PLCL1: variants seen among roughly 807,000 people sequenced by gnomAD.
The protein encoded by PLCL1 is phospholipase C like 1 (inactive), also known as inactive phospholipase C-like protein 1.
In PLCL1, 41 loss-of-function variants were observed where a neutral mutation model predicts 84.4. The observed-to-expected ratio is 0.49, with a 90% CI of 0.38 to 0.63. The LOEUF (loss-of-function observed/expected upper bound fraction) is 0.63. Ranked by LOEUF, PLCL1 falls within the 30% of genes least tolerant of loss-of-function variation. PLCL1 has a pLI of 0.00. For synonymous variants in PLCL1, 490 were observed against 488.3 expected (o/e 1.00, Z -0.05); for missense variants, 1,206 against 1,367.8 (o/e 0.88, Z 1.87).
At chr2:198,093,170 A>C (rs1395754728) in intron 3 of PLCL1, among the ~76,000 whole-genome samples, 4 of 152,154 alleles carry the variant, frequency 2.6e-5, no homozygotes, top group African/African-American at 9.7e-5. Context: ...AGCACAAAGG[A>C]TTTTTAAGGC....
rs544147690 is a variant in PLCL1, at chr2:197,808,162, T to C, written c.240+2823T>C. ...TTTAAAATCTGTCTACTTTTTCCTA[T>C]ATTTTTCTGTGTGATTGTTTCAACA... On this transcript the variant is annotated intron_variant, in intron 1 of 5. Coordinates refer to ENST00000428675, the MANE Select transcript of PLCL1 (RefSeq NM_006226.4). Among the ~76,000 whole-genome samples the C allele has an allele frequency of 1.2e-4, 19 of 152,354 alleles. No individual in the cohort carries two copies. In the East Asian group the frequency reaches 2.1e-3, roughly 17 times the overall value.
intron 5 of PLCL1, among the ~76,000 whole-genome samples, chr2:198,104,953 C>A (rs536725409): frequency 5.8e-4 from 88 of 152,024 alleles, no homozygotes; most frequent in Admixed American, 3.0e-3. Context: ...TTGCAAATAT[C>A]TTCTCCCATT....
At chr2:198,012,656 AT>A (rs375478254) in intron 1 of PLCL1, among the ~76,000 whole-genome samples, 31 of 146,872 alleles carry the variant, frequency 2.1e-4, no homozygotes, top group African/African-American at 3.0e-4. Flanking sequence ...TTCGTGTTTC[AT>A]TTTTTTTTGT....
In PLCL1 at chr2:197,805,053, T is replaced by C; in HGVS notation, c.-47T>C. 1 of 1,418,772 alleles carries C rather than the reference T, an allele frequency of 7.0e-7. No individual in the cohort carries two copies. Among genetic ancestry groups the C allele is most frequent in the East Asian group, 3.1e-5 (1 of 32,370 alleles). The allele number at this position is 1,418,772 out of a possible 1,614,324, so 87.9% of individuals were successfully genotyped here. A position where few individuals can be genotyped will look rare whatever the true frequency, so the allele number is the denominator to read the frequency against. ...CCGGTGCCTAGCGGCTGGACTCCGCTGCCGGGCGTCCCGCTTTCCCCCGGG... is the reference window on the plus strand; with the variant it reads ...CCGGTGCCTAGCGGCTGGACTCCGCCGCCGGGCGTCCCGCTTTCCCCCGGG... On this transcript the variant is annotated 5_prime_UTR_variant, in exon 1 of 6. Transcript: ENST00000428675. This position sits in a 1 kb window ranked among gnomAD's most constrained non-coding sequence, Gnocchi z 4.0.
chr2:197,931,414 G>A (rs1037918993), intron 1 of PLCL1, among the ~76,000 whole-genome samples: 2 of 152,144 alleles, frequency 1.3e-5, no homozygotes, highest in Non-Finnish European at 2.9e-5. Flanking sequence ...CTCAGCTGTT[G>A]CTGTAGGTGG....
intron 1 of PLCL1, among the ~76,000 whole-genome samples, chr2:197,859,070 T>C (rs547499504): frequency 5.8e-4 from 88 of 152,280 alleles, no homozygotes; most frequent in African/African-American, 1.9e-3. Context: ...ATTCTATTCA[T>C]CAAAGTGAGG....
At chr2:198,005,691 G>A (rs1413869923) in intron 1 of PLCL1, among the ~76,000 whole-genome samples, 2 of 152,176 alleles carry the variant, frequency 1.3e-5, no homozygotes, top group Non-Finnish European at 2.9e-5. Context: ...GCGGTGGTCA[G>A]GGAAGGCTGA....
intron 1 of PLCL1, among the ~76,000 whole-genome samples, chr2:197,952,641 C>G (rs938788098): frequency 2.0e-5 from 3 of 152,110 alleles, no homozygotes; most frequent in African/African-American, 4.8e-5. Flanking sequence ...TGAATCATGC[C>G]TAATATGGTT....
At chr2:197,878,695 T>C (rs1687779485) in intron 1 of PLCL1, among the ~76,000 whole-genome samples, 1 of 152,140 alleles carries the variant, frequency 6.6e-6, no homozygotes, top group Non-Finnish European at 1.5e-5. Context: ...AGAAAAGTAG[T>C]GTCTACCTTA....
intron 1 of PLCL1, among the ~76,000 whole-genome samples, chr2:198,071,300 C>T (rs779522796): frequency 6.6e-6 from 1 of 151,864 alleles, no homozygotes; most frequent in Non-Finnish European, 1.5e-5. Flanking sequence ...GGCAGTGAAC[C>T]ACCTCTTACT....
At chr2:197,928,069 A>T (rs190840706) in intron 1 of PLCL1, among the ~76,000 whole-genome samples, 2 of 152,300 alleles carry the variant, frequency 1.3e-5, no homozygotes, top group East Asian at 3.9e-4. Context: ...TTATATCTGC[A>T]TCTAGTCATT....
intron 1 of PLCL1, among the ~76,000 whole-genome samples, chr2:197,990,322 A>G (rs759498974): frequency 1.3e-5 from 2 of 152,236 alleles, no homozygotes; most frequent in Non-Finnish European, 2.9e-5. Context: ...TGCCTTTTAA[A>G]GCAATGCAGC....
intron 1 of PLCL1, among the ~76,000 whole-genome samples, chr2:197,866,010 CAAAAA>C (rs1171570991): frequency 0.034 from 398 of 11,798 alleles, 3 homozygotes; most frequent in East Asian, 0.084. Flanking sequence ...AACCTATCTC[CAAAAA>C]AAAAAAAAAA....
intron 1 of PLCL1, among the ~76,000 whole-genome samples, chr2:197,917,270 TTAGA>T (rs1283615305): frequency 3.3e-5 from 5 of 152,198 alleles, no homozygotes; most frequent in East Asian, 1.9e-4. Context: ...TAATAGGTGA[TTAGA>T]TAAATTGTGG....
At chr2:198,110,182 T>C (rs1196257647) in intron 5 of PLCL1, among the ~76,000 whole-genome samples, 1 of 151,932 alleles carries the variant, frequency 6.6e-6, no homozygotes. Flanking sequence ...CAACTTATAA[T>C]TTAATGCATT....
intron 1 of PLCL1, among the ~76,000 whole-genome samples, chr2:197,911,272 G>A (rs1159891423): frequency 1.3e-5 from 2 of 152,100 alleles, no homozygotes; most frequent in Non-Finnish European, 2.9e-5. Context: ...GGTAGGCTGA[G>A]GCTGCAGTGA....
At chr2:198,141,987 A>G (rs1694399109) in intron 5 of PLCL1, among the ~76,000 whole-genome samples, 1 of 152,162 alleles carries the variant, frequency 6.6e-6, no homozygotes, top group Admixed American at 6.5e-5. Flanking sequence ...TTTACACTTG[A>G]TGAGAACACT....
chr2:197,821,404 G>A (rs963312552), intron 1 of PLCL1, among the ~76,000 whole-genome samples: 1 of 152,158 alleles, frequency 6.6e-6, no homozygotes, highest in African/African-American at 2.4e-5. Context: ...AGAGATCCCT[G>A]CACATAGTGG....
At position 198,084,019 on chromosome 2, in the gene PLCL1, C is replaced by G. The variant is rs1692787330; in HGVS notation, c.502C>G (p.Leu168Val). 9.9e-6 allele frequency: 16 copies of G among 1,614,172 alleles called. No homozygotes were observed. The highest frequency in any genetic ancestry group is 5.0e-5 in the Admixed American group (3 of 60,016). Residue 168 changes from leucine to valine, a missense_variant, in exon 2 of 6, where the codon CTG (leucine) becomes GTG (valine). Physicochemically the swap from Leu to Val is conservative, Grantham distance 32. Transcript: ENST00000428675. The part of the protein sequence containing the change: ...LDISAIKEIR[L>V]GKNTETFRNN... The stretch of plus-strand genomic sequence containing the variant: ...TATTTCTGCCATAAAAGAGATCAGA[C>G]TGGGGAAAAACACGGAAACATTTAG...
Sources: gnomAD v4.1 joint callset for allele counts (sites outside exome capture counted in the v4.1 genomes callset) on GRCh38, gnomAD v4.1.1 for gene constraint, Gnocchi (gnomAD v3.1) non-coding constraint, MANE v1.5 for transcripts, NCBI Gene and HGNC (gene_info 2026-07-23, HGNC 2026-07-21) for gene names.